Variants in CDH10 observed in about 807,000 individuals in gnomAD.
CDH10 encodes the protein cadherin-10.
Under a neutral mutation model 73.1 loss-of-function variants are expected in CDH10, and 30 were observed. The observed-to-expected ratio is 0.41, with a 90% CI of 0.31 to 0.56. The LOEUF is 0.56. CDH10 is among the 20% of genes least tolerant of loss of function. The probability of loss-of-function intolerance (pLI) is 0.27; values close to 1 mark genes in which losing one functional copy is unlikely to be tolerated. For missense variants in CDH10, 815 were observed against 973.7 expected (o/e 0.84, Z 2.17); for synonymous variants, 345 against 348.2 (o/e 0.99, Z 0.10).
chr5:24,490,205 TC>T, intron 11 of CDH10, among the ~76,000 whole-genome samples: 1 of 152,090 alleles, frequency 6.6e-6, no homozygotes, highest in East Asian at 1.9e-4. Flanking sequence ...AAAGTATAAA[TC>T]CCCCAAATAA....
At chr5:24,587,448 T>C (rs1019829948) in intron 2 of CDH10, among the ~76,000 whole-genome samples, 2 of 152,208 alleles carry the variant, frequency 1.3e-5, no homozygotes, top group Non-Finnish European at 2.9e-5. Context: ...AGAGCTCTGG[T>C]AGATATTCAT....
chr5:24,540,299 G>A (rs1318143285), intron 2 of CDH10, among the ~76,000 whole-genome samples: 1 of 151,866 alleles, frequency 6.6e-6, no homozygotes, highest in Admixed American at 6.6e-5. Context: ...TATAGATTTG[G>A]AATGAAGAAG....
chr5:24,508,151 G>C (rs76351555), intron 7 of CDH10, among the ~76,000 whole-genome samples: 1 of 152,242 alleles, frequency 6.6e-6, no homozygotes, highest in East Asian at 1.9e-4. Flanking sequence ...AATGAGCAAG[G>C]AAAATTAGCC....
chr5:24,489,755 G>A (rs1470925158), intron 11 of CDH10, among the ~76,000 whole-genome samples: 1 of 152,036 alleles, frequency 6.6e-6, no homozygotes, highest in Non-Finnish European at 1.5e-5. Flanking sequence ...GTCTGCTCAT[G>A]ACTATAAAAT....
At chr5:24,614,696 C>G (rs1747071507) in intron 1 of CDH10, among the ~76,000 whole-genome samples, 1 of 152,068 alleles carries the variant, frequency 6.6e-6, no homozygotes, top group Admixed American at 6.5e-5. Context: ...TATTAGCGTC[C>G]TCATGACTGC....
chr5:24,505,204 ATGT>A lies in CDH10; in HGVS notation c.1298_1300del (p.Asn433del). ...ATAAAGAGATCCATTTCCTGAATGAATGTTAAAGATTCTGTCAAGGTCAGTATG... is the reference window on the plus strand; with the variant it reads ...ATAAAGAGATCCATTTCCTGAATGAATAAAGATTCTGTCAAGGTCAGTATG... On this transcript the variant is annotated inframe_deletion, in exon 8 of 12. Coordinates refer to ENST00000264463, the MANE Select transcript of CDH10 (RefSeq NM_006727.5). 6.2e-7 allele frequency: 1 copy of A among 1,612,754 alleles called. No homozygotes were observed. Among genetic ancestry groups the A allele is most frequent in the Non-Finnish European group, 8.5e-7 (1 of 1,178,870 alleles).
intron 2 of CDH10, among the ~76,000 whole-genome samples, chr5:24,573,847 T>C (rs1420016643): frequency 6.8e-6 from 1 of 148,084 alleles, no homozygotes; most frequent in Non-Finnish European, 1.5e-5. Context: ...ATTTTCATAT[T>C]ATATATATTT....
chr5:24,528,868 C>A (rs1174376488), intron 5 of CDH10, among the ~76,000 whole-genome samples: 1 of 151,942 alleles, frequency 6.6e-6, no homozygotes, highest in Admixed American at 6.6e-5. Flanking sequence ...TAACCTGGAT[C>A]CGCAACCTGC....
intron 1 of CDH10, among the ~76,000 whole-genome samples, chr5:24,635,907 G>A (rs528596309): frequency 8.6e-5 from 13 of 151,862 alleles, no homozygotes; most frequent in East Asian, 3.9e-4. Flanking sequence ...TACATTGTCC[G>A]TAGAATTAGT....
At chr5:24,599,832 T>C (rs1191815577) in intron 1 of CDH10, among the ~76,000 whole-genome samples, 2 of 152,150 alleles carry the variant, frequency 1.3e-5, no homozygotes, top group Admixed American at 6.6e-5. Context: ...AAAAAACTTA[T>C]CAGCACTAAT....
At chr5:24,495,260 G>A (rs773114564) in intron 9 of CDH10, among the ~76,000 whole-genome samples, 7 of 152,150 alleles carry the variant, frequency 4.6e-5, no homozygotes, top group Non-Finnish European at 1.5e-5. Context: ...ACAAAAACTA[G>A]TGATTTCCAG....
chr5:24,641,412 C>T (rs10051491), intron 1 of CDH10, among the ~76,000 whole-genome samples: 35,179 of 151,710 alleles, frequency 0.23, 4,624 homozygotes, highest in African/African-American at 0.36. Context: ...ATGAATGCTC[C>T]GTGAATATCA....
intron 2 of CDH10, among the ~76,000 whole-genome samples, chr5:24,547,595 G>A (rs1744390047): frequency 6.6e-6 from 1 of 152,034 alleles, no homozygotes; most frequent in African/African-American, 2.4e-5. Flanking sequence ...GTTGAATAGA[G>A]TCTGTAGGAG....
At chr5:24,597,693 C>T (rs1746419207) in intron 1 of CDH10, among the ~76,000 whole-genome samples, 1 of 151,950 alleles carries the variant, frequency 6.6e-6, no homozygotes, top group Admixed American at 6.6e-5. Context: ...TTTCATTATT[C>T]TTCTGAAATA....
chr5:24,547,518 C>T (rs899947882), intron 2 of CDH10, among the ~76,000 whole-genome samples: 2 of 151,968 alleles, frequency 1.3e-5, no homozygotes, highest in Admixed American at 6.6e-5. Context: ...TTTTATGGTA[C>T]TGGAGTAAAA....
chr5:24,609,885 T>C (rs1561194703), intron 1 of CDH10: 2 of 152,296 alleles, frequency 1.3e-5, no homozygotes, highest in Non-Finnish European at 2.9e-5. Context: ...ATCGTGCTGC[T>C]CACTGCCTGT....
chr5:24,644,174 T>C (rs1347565632), intron 1 of CDH10, among the ~76,000 whole-genome samples: 3 of 152,204 alleles, frequency 2.0e-5, no homozygotes, highest in Admixed American at 2.0e-4. Context: ...TCCATTCATA[T>C]GGAATGCAAA....
At chr5:24,558,864 C>T (rs988560424) in intron 2 of CDH10, among the ~76,000 whole-genome samples, 1 of 151,760 alleles carries the variant, frequency 6.6e-6, no homozygotes, top group Non-Finnish European at 1.5e-5. Flanking sequence ...ATATAAACTT[C>T]AACATATATT....
chr5:24,621,253 T>C (rs1747307873), intron 1 of CDH10, among the ~76,000 whole-genome samples: 1 of 152,184 alleles, frequency 6.6e-6, no homozygotes, highest in African/African-American at 2.4e-5. Flanking sequence ...CCCTGAGATC[T>C]CTGGGACTGG....
Sources: gnomAD v4.1 joint callset for allele counts (sites outside exome capture counted in the v4.1 genomes callset) on GRCh38, gnomAD v4.1.1 for gene constraint, MANE v1.5 for transcripts, NCBI Gene and HGNC (gene_info 2026-07-23, HGNC 2026-07-21) for gene names.